RBMS1: variants seen among roughly 807,000 people sequenced by gnomAD.
RBMS1 encodes the protein RNA-binding motif, single-stranded-interacting protein 1.
Under a neutral mutation model 62.3 loss-of-function variants are expected in RBMS1, and 17 were observed. That is an observed-to-expected ratio of 0.27 (90% CI 0.19 to 0.41). RBMS1 has a LOEUF of 0.41. RBMS1 is among the 10% of genes least tolerant of loss of function. The probability of loss-of-function intolerance (pLI) is 1.00; values close to 1 mark genes in which losing one functional copy is unlikely to be tolerated. For synonymous variants in RBMS1, 172 were observed against 170.0 expected (o/e 1.01, Z -0.09); for missense variants, 334 against 504.5 (o/e 0.66, Z 3.24).
At chr2:160,312,807 T>C (rs1256446122) in intron 4 of RBMS1, among the ~76,000 whole-genome samples, 13 of 150,690 alleles carry the variant, frequency 8.6e-5, no homozygotes, top group Admixed American at 7.3e-4. Context: ...TCCCTGGGCA[T>C]TGACATTTAA....
At chr2:160,482,982 G>A (rs1327635341) in intron 1 of RBMS1, among the ~76,000 whole-genome samples, 2 of 151,662 alleles carry the variant, frequency 1.3e-5, no homozygotes, top group Admixed American at 6.6e-5. Context: ...ACATGTATTT[G>A]AATTTTGTGA....
At chr2:160,386,819 G>A (rs1694605587) in intron 1 of RBMS1, among the ~76,000 whole-genome samples, 1 of 152,184 alleles carries the variant, frequency 6.6e-6, no homozygotes, top group Admixed American at 6.5e-5. Context: ...TGTTAGAGCG[G>A]CCTGAACTAA....
At chr2:160,469,546 T>C (rs1300045623) in intron 1 of RBMS1, among the ~76,000 whole-genome samples, 1 of 152,222 alleles carries the variant, frequency 6.6e-6, no homozygotes, top group Non-Finnish European at 1.5e-5. Context: ...CAAGAATCAC[T>C]ATCCAACGCT....
chr2:160,398,171 C>A (rs370669879), intron 1 of RBMS1, among the ~76,000 whole-genome samples: 1 of 152,202 alleles, frequency 6.6e-6, no homozygotes, highest in East Asian at 1.9e-4. Flanking sequence ...ACCAAACTCA[C>A]TGCCTTTCCC....
At chr2:160,291,730 A>G (rs973022568) in intron 6 of RBMS1, among the ~76,000 whole-genome samples, 1 of 152,150 alleles carries the variant, frequency 6.6e-6, no homozygotes, top group Non-Finnish European at 1.5e-5. Flanking sequence ...GATTATATAT[A>G]GTCATGCTTT....
At position 160,299,385 on chromosome 2, in the gene RBMS1, A is replaced by G. The variant is rs114021859; in HGVS notation, c.640+1266T>C. On this transcript the variant is annotated intron_variant, in intron 6 of 13. Transcript: ENST00000348849. ...GAATCCTGTGATTTAAAAAATGTCT[A>G]TTGTAGTTATGTTCACAAGTTTTGT... Among the ~76,000 whole-genome samples, 1,243 of 152,286 alleles carry G rather than the reference A, an allele frequency of 8.2e-3. 20 individuals are homozygous for G. Among genetic ancestry groups the G allele is most frequent in the African/African-American group, 0.027 (1,123 of 41,554 alleles).
intron 1 of RBMS1, among the ~76,000 whole-genome samples, chr2:160,402,434 C>T (rs1695482528): frequency 6.6e-6 from 1 of 152,074 alleles, no homozygotes; most frequent in African/African-American, 2.4e-5. Context: ...AATTGGATTT[C>T]CCTGAGAGAG....
At chr2:160,320,779 A>C (rs550216628) in intron 2 of RBMS1, among the ~76,000 whole-genome samples, 1 of 152,270 alleles carries the variant, frequency 6.6e-6, no homozygotes, top group Non-Finnish European at 1.5e-5. Flanking sequence ...ACTACGAACC[A>C]AATAAACCTT....
intron 1 of RBMS1, among the ~76,000 whole-genome samples, chr2:160,383,460 G>GC (rs1694394735): frequency 4.0e-5 from 6 of 149,778 alleles, no homozygotes; most frequent in South Asian, 4.3e-4. Context: ...AATTGGGGGG[G>GC]GGGGAACTGA....
intron 1 of RBMS1, among the ~76,000 whole-genome samples, chr2:160,398,036 T>C (rs1304812283): frequency 1.3e-5 from 2 of 152,218 alleles, no homozygotes; most frequent in Non-Finnish European, 2.9e-5. Context: ...ACCTATTAAA[T>C]CTGAGAAGTT....
At chr2:160,405,163 T>TCAATGAAGTACTCAATGAA (rs1695634147) in intron 1 of RBMS1, among the ~76,000 whole-genome samples, 1 of 152,206 alleles carries the variant, frequency 6.6e-6, no homozygotes, top group Non-Finnish European at 1.5e-5. Context: ...CAATGAAAGT[T>TCAATGAAGTACTCAATGAA]AGCTACTACT....
chr2:160,319,127 T>C (rs1044146913), intron 2 of RBMS1, among the ~76,000 whole-genome samples: 2 of 152,198 alleles, frequency 1.3e-5, no homozygotes, highest in Non-Finnish European at 2.9e-5. Context: ...ATAGTGGCCA[T>C]ACTATAAGGA....
At chr2:160,282,007 A>C in intron 9 of RBMS1, 1 of 321,888 alleles carries the variant, frequency 3.1e-6, no homozygotes, top group Non-Finnish European at 6.2e-6. Context: ...CTCTGAATTG[A>C]GAAATAGATG....
intron 1 of RBMS1, among the ~76,000 whole-genome samples, chr2:160,468,809 T>G (rs572222368): frequency 2.0e-5 from 3 of 152,336 alleles, no homozygotes; most frequent in African/African-American, 7.2e-5. Flanking sequence ...TCAAGAGAGA[T>G]TCAAACTCTT....
chr2:160,410,221 CAAA>C (rs575199475), intron 1 of RBMS1, among the ~76,000 whole-genome samples: 178 of 67,994 alleles, frequency 2.6e-3, no homozygotes, highest in East Asian at 0.012. Flanking sequence ...GACCCCGTCT[CAAA>C]AAAAAAAAAA....
intron 2 of RBMS1, among the ~76,000 whole-genome samples, chr2:160,360,724 C>A (rs1190698405): frequency 6.6e-6 from 1 of 152,168 alleles, no homozygotes; most frequent in South Asian, 2.1e-4. Flanking sequence ...TCCTTTAAGA[C>A]TGAGATGTCA....
At chr2:160,465,988 A>G (rs1684675794) in intron 1 of RBMS1, among the ~76,000 whole-genome samples, 1 of 152,170 alleles carries the variant, frequency 6.6e-6, no homozygotes, top group South Asian at 2.1e-4. Context: ...ACTTATCAGA[A>G]AAGTGTTTAT....
chr2:160,445,320 T>G (rs1683598206), intron 1 of RBMS1, among the ~76,000 whole-genome samples: 1 of 152,248 alleles, frequency 6.6e-6, no homozygotes, highest in Non-Finnish European at 1.5e-5. Flanking sequence ...TGTAAAAGTT[T>G]CTGGTCAGAT....
chr2:160,375,951 T>C lies in RBMS1; in HGVS notation c.76-8560A>G, dbSNP rs540992717. Among the ~76,000 whole-genome samples the C allele has an allele frequency of 3.9e-5, 6 of 152,056 alleles. No homozygotes were observed. In the South Asian group the frequency reaches 1.2e-3, roughly 32 times the overall value. ...TAGGGGAAGTGAAACATTACTTTTA[T>C]CATGACAGTTCAGAATACCTCTGCA... On this transcript the variant is annotated intron_variant, in intron 1 of 13. Transcript: ENST00000348849.
Sources: allele counts gnomAD v4.1 joint callset (sites outside exome capture counted in the v4.1 genomes callset), GRCh38; gene constraint gnomAD v4.1.1; transcripts MANE v1.5; gene names NCBI Gene and HGNC (gene_info 2026-07-23, HGNC 2026-07-21).